SLIT1: variants seen among roughly 807,000 people sequenced by gnomAD.
SLIT1 encodes slit homolog 1 protein.
Under a neutral mutation model 186.1 loss-of-function variants are expected in SLIT1, and 66 were observed. The observed-to-expected ratio is 0.35, with a 90% CI of 0.29 to 0.44. The LOEUF is 0.44. Ranked by LOEUF, SLIT1 falls within the 20% of genes least tolerant of loss-of-function variation. The pLI, the probability that SLIT1 is intolerant of heterozygous loss-of-function variation, is 1.00. For synonymous variants in SLIT1, 761 were observed against 833.8 expected (o/e 0.91, Z 1.50); for missense variants, 1,638 against 2,037.4 (o/e 0.80, Z 3.77).
chr10:97,168,571 TG>T (rs1850149123), intron 1 of SLIT1, among the ~76,000 whole-genome samples: 1 of 152,226 alleles, frequency 6.6e-6, no homozygotes, highest in Non-Finnish European at 1.5e-5. Context: ...AGATTATGAT[TG>T]GCCATAAAGT....
rs1189065924 is a variant in SLIT1 at position 97,002,807 on chromosome 10, T to C, written c.4051A>G (p.Ile1351Val). ...CCTGGGGTGGCATTGGGCTGGCAGA[T>C]GCCATGCAGGCAGTAGAGCTTGCGG... Reference protein sequence around the residue: ...PCRKLYCLHGICQPNATPGPM... With the variant: ...PCRKLYCLHGVCQPNATPGPM... The change falls in exon 35 of 37, where the codon ATC becomes GTC. Residue 1351 changes from isoleucine to valine, a missense_variant. Coordinates refer to ENST00000266058, the MANE Select transcript of SLIT1 (RefSeq NM_003061.3). 4 of 1,613,904 alleles carry C rather than the reference T, an allele frequency of 2.5e-6. No individual in the cohort carries two copies. The highest frequency in any genetic ancestry group is 3.4e-6 in the Non-Finnish European group (4 of 1,179,994).
intron 22 of SLIT1, among the ~76,000 whole-genome samples, chr10:97,037,048 T>TGTGTG (rs1231769870): frequency 2.6e-5 from 3 of 116,882 alleles, no homozygotes; most frequent in African/African-American, 1.0e-4. Context: ...ATAACCCCCT[T>TGTGTG]TGTGTGTGTG....
intron 7 of SLIT1, 110 bp from the exon 8 acceptor site, chr10:97,063,728 AAC>A: frequency 8.4e-7 from 1 of 1,196,358 alleles, no homozygotes; most frequent in East Asian, 2.6e-5. Flanking sequence ...GTTCAAGCCA[AAC>A]ACAGTCTACA....
chr10:97,183,494 C>A (rs1253467199), intron 1 of SLIT1, among the ~76,000 whole-genome samples: 1 of 152,188 alleles, frequency 6.6e-6, no homozygotes, highest in Admixed American at 6.5e-5. Flanking sequence ...TGATGGAAAG[C>A]AACTAAGGTT....
chr10:97,034,009 C>T (rs1848615104), intron 23 of SLIT1, among the ~76,000 whole-genome samples: 1 of 152,070 alleles, frequency 6.6e-6, no homozygotes, highest in African/African-American at 2.4e-5. Flanking sequence ...GGACTACAGG[C>T]ACCCGCCACC....
chr10:97,139,431 A>C (rs546998691), intron 4 of SLIT1, among the ~76,000 whole-genome samples: 1 of 152,210 alleles, frequency 6.6e-6, no homozygotes, highest in Non-Finnish European at 1.5e-5. Flanking sequence ...CTGGTCACAC[A>C]CACAAAGATA....
rs1848971198 is a variant in SLIT1, at chr10:97,068,407, C to A, written c.414-2321G>T. On this transcript the variant is annotated intron_variant, in intron 4 of 36. Transcript: ENST00000266058. This position sits in a 1 kb window ranked among gnomAD's most constrained non-coding sequence, Gnocchi z 4.2. ...GTCCCCACAGAGTGGGCACCAACAT[C>A]TATGTGCTCCCTCCCCCAAACCCAG... 6.6e-6 allele frequency among the ~76,000 whole-genome samples: 1 copy of A among 152,192 alleles called. No individual in the cohort carries two copies. Among genetic ancestry groups the A allele is most frequent in the African/African-American group, 2.4e-5 (1 of 41,448 alleles).
intron 16 of SLIT1, 132 bp downstream of exon 16, chr10:97,047,558 G>T: frequency 2.3e-6 from 2 of 878,788 alleles, no homozygotes; most frequent in South Asian, 1.6e-5. Flanking sequence ...GCCAGCAGTT[G>T]GTATGTCCTG....
chr10:97,064,431 C>T (rs527782311), intron 6 of SLIT1, among the ~76,000 whole-genome samples, 192 bp from the exon 7 acceptor site: 3 of 152,104 alleles, frequency 2.0e-5, no homozygotes, highest in Admixed American at 6.5e-5. Flanking sequence ...GGACGGTGAC[C>T]GTAAGCCGAC....
chr10:97,101,142 G>T (rs553422119), intron 4 of SLIT1, among the ~76,000 whole-genome samples: 1 of 152,162 alleles, frequency 6.6e-6, no homozygotes, highest in African/African-American at 2.4e-5. Flanking sequence ...CAGAAGCCTC[G>T]CAAGGAGACC....
intron 4 of SLIT1, among the ~76,000 whole-genome samples, chr10:97,134,361 G>C (rs929009813): frequency 6.6e-6 from 1 of 152,104 alleles, no homozygotes; most frequent in Non-Finnish European, 1.5e-5. Flanking sequence ...CCAGTCTCCC[G>C]GGTGACACCT....
chr10:97,022,404 T>C lies in SLIT1; in HGVS notation c.2583-991A>G, dbSNP rs891775630. ...CTGCCCTGCACAACACTGTGAATGA[T>C]TAAATGCCACCGAGTTGCACACTTT... On this transcript the variant is annotated intron_variant, in intron 25 of 36. Coordinates refer to ENST00000266058, the MANE Select transcript of SLIT1 (RefSeq NM_003061.3). The surrounding 1 kb of genome is among the most constrained non-coding windows in gnomAD (Gnocchi z 4.2). Among the ~76,000 whole-genome samples the C allele has an allele frequency of 2.6e-5, 4 of 152,034 alleles. No individual in the cohort carries two copies. The highest frequency in any genetic ancestry group is 9.7e-5 in the African/African-American group (4 of 41,382).
chr10:97,079,218 T>G (rs1192188457), intron 4 of SLIT1, among the ~76,000 whole-genome samples: 2 of 152,144 alleles, frequency 1.3e-5, no homozygotes, highest in African/African-American at 4.8e-5. Flanking sequence ...AAGCTCAAAA[T>G]AGGCAAAACT....
chr10:97,066,722 C>T (rs1460374580), intron 4 of SLIT1, among the ~76,000 whole-genome samples: 1 of 152,196 alleles, frequency 6.6e-6, no homozygotes. Context: ...CCTGCAGAAC[C>T]GTGAGCCAAG....
intron 4 of SLIT1, among the ~76,000 whole-genome samples, chr10:97,131,399 C>T (rs563889159): frequency 2.0e-5 from 3 of 152,360 alleles, no homozygotes; most frequent in South Asian, 2.1e-4. Context: ...CTTCAGGCTG[C>T]GCCCACCCAG....
intron 21 of SLIT1, 35 bp from the exon 22 acceptor site, chr10:97,037,801 T>A (rs1405019105): frequency 5.1e-6 from 8 of 1,565,522 alleles, no homozygotes; most frequent in Non-Finnish European, 1.8e-6. Context: ...AGTGCCCATC[T>A]CCACCTCTGG....
Position 97,019,143 on chromosome 10 carries a change from G to T in SLIT1, c.2747-36C>A, listed in dbSNP as rs199742343. On this transcript the variant is annotated intron_variant, in intron 26 of 36. Transcript: ENST00000266058. ...GGGAGGGTGCTAGTGCAGGGGGAGG[G>T]GTGGGCAGCACAGGGCTGGGCACAG... 207 of 1,337,700 alleles carry T rather than the reference G, an allele frequency of 1.5e-4. 4 individuals carry two copies. In the East Asian group the frequency reaches 3.2e-3, roughly 21 times the overall value. The allele number at this position is 1,337,700 out of a possible 1,614,324, so 82.9% of individuals were successfully genotyped here.
intron 25 of SLIT1, among the ~76,000 whole-genome samples, chr10:97,030,507 T>G (rs1589367808): frequency 6.6e-6 from 1 of 152,208 alleles, no homozygotes; most frequent in South Asian, 2.1e-4. Context: ...GCAGGCGAAG[T>G]GCACAGCAAT....
rs1228719243 is a variant in SLIT1, at chr10:97,030,710, C to T, written c.2582+47G>A. 21 of 1,467,772 alleles carry T rather than the reference C, an allele frequency of 1.4e-5. No individual in the cohort carries two copies. In the Middle Eastern group the frequency reaches 5.2e-4, roughly 36 times the overall value. 90.9% of individuals were successfully genotyped at this position (1,467,772 alleles called of 1,614,324 possible). ...GGTGGGATCTTCTCAGAAACCAAGT[C>T]CTGTTGAAATCCAAAGAGGCCCAGA... On this transcript the variant is annotated intron_variant, in intron 25 of 36. Coordinates refer to ENST00000266058, the MANE Select transcript of SLIT1 (RefSeq NM_003061.3).
Sources: gnomAD v4.1 joint callset for allele counts (sites outside exome capture counted in the v4.1 genomes callset) on GRCh38, gnomAD v4.1.1 for gene constraint, Gnocchi (gnomAD v3.1) non-coding constraint, MANE v1.5 for transcripts, NCBI Gene and HGNC (gene_info 2026-07-23, HGNC 2026-07-21) for gene names.